Variants in TMTC4 observed in about 807,000 individuals in gnomAD.
TMTC4 encodes transmembrane O-mannosyltransferase targeting cadherins 4.
A neutral mutation model predicts 86.0 loss-of-function variants in TMTC4; 65 were observed. The observed-to-expected ratio is 0.76, with a 90% CI of 0.62 to 0.93. The LOEUF is 0.93. Among genes scored for constraint, TMTC4 ranks in the 40% least tolerant of loss-of-function variants. The pLI, the probability that TMTC4 is intolerant of heterozygous loss-of-function variation, is 0.00. For missense variants in TMTC4, 866 were observed against 948.1 expected (o/e 0.91, Z 1.14); for synonymous variants, 379 against 382.5 (o/e 0.99, Z 0.11).
At chr13:100,646,425 T>C (rs550667129) in intron 6 of TMTC4, among the ~76,000 whole-genome samples, 2 of 152,328 alleles carry the variant, frequency 1.3e-5, no homozygotes, top group East Asian at 3.9e-4. Flanking sequence ...AGGCTGTGCA[T>C]CATCTCTCCT....
At chr13:100,671,966 C>T (rs1031715381) in intron 1 of TMTC4, among the ~76,000 whole-genome samples, 34 of 151,728 alleles carry the variant, frequency 2.2e-4, no homozygotes, top group African/African-American at 6.1e-4. Flanking sequence ...GCTCTGGTGA[C>T]GGACAAACCT....
intron 12 of TMTC4, among the ~76,000 whole-genome samples, chr13:100,632,451 T>C (rs999359117): frequency 8.5e-5 from 13 of 152,186 alleles, no homozygotes; most frequent in South Asian, 4.1e-4. Flanking sequence ...ACTCCACACA[T>C]AGAAGGGGCA....
chr13:100,623,149 T>A (rs920290735), intron 15 of TMTC4, among the ~76,000 whole-genome samples: 7 of 152,254 alleles, frequency 4.6e-5, no homozygotes, highest in African/African-American at 1.7e-4. Context: ...TACCCTGTTA[T>A]CCAAGTTCAG....
intron 17 of TMTC4, among the ~76,000 whole-genome samples, chr13:100,608,226 T>C (rs768587351): frequency 1.3e-5 from 2 of 152,152 alleles, no homozygotes; most frequent in Non-Finnish European, 2.9e-5. Flanking sequence ...ATTCAGGACA[T>C]TGAGGAGTCA....
At chr13:100,644,971 C>G (rs1377159934) in intron 6 of TMTC4, among the ~76,000 whole-genome samples, 1 of 152,132 alleles carries the variant, frequency 6.6e-6, no homozygotes, top group Non-Finnish European at 1.5e-5. Flanking sequence ...CACGCTACCA[C>G]GCCCAGCTAA....
intron 12 of TMTC4, among the ~76,000 whole-genome samples, chr13:100,630,208 T>C (rs1881168256): frequency 6.6e-6 from 1 of 152,174 alleles, no homozygotes; most frequent in African/African-American, 2.4e-5. Context: ...TCCTGCCTTA[T>C]CCATCTTAAC....
At chr13:100,674,828 G>C (rs9585480), upstream of TMTC4, 756 of 978,336 alleles carry the variant, frequency 7.7e-4, 4 homozygotes, top group African/African-American at 0.012. Flanking sequence ...GACCTGGCAG[G>C]GGGAGGGGCC....
chr13:100,646,065 C>T (rs146273703), intron 6 of TMTC4, among the ~76,000 whole-genome samples: 41 of 152,270 alleles, frequency 2.7e-4, no homozygotes, highest in Admixed American at 1.6e-3. Flanking sequence ...CATGAACCTG[C>T]ACCTGGATCT....
At chr13:100,643,094 G>A (rs1017229602) in intron 6 of TMTC4, among the ~76,000 whole-genome samples, 3 of 152,204 alleles carry the variant, frequency 2.0e-5, no homozygotes, top group African/African-American at 7.2e-5. Flanking sequence ...CTCGTCGGTG[G>A]TGCGTGCAAT....
chr13:100,657,477 C>T (rs1027206564), intron 5 of TMTC4, among the ~76,000 whole-genome samples: 1 of 152,248 alleles, frequency 6.6e-6, no homozygotes, highest in Admixed American at 6.5e-5. Flanking sequence ...GCAATATCAA[C>T]TATGTGTTTC....
chr13:100,674,191 C>G (rs1040602043), intron 1 of TMTC4: 2 of 931,630 alleles, frequency 2.1e-6, no homozygotes, highest in Non-Finnish European at 2.6e-6. Flanking sequence ...CCGGTGGCCC[C>G]GCGCTCGCGC....
intron 6 of TMTC4, 27 bp downstream of exon 6, chr13:100,656,354 A>G: frequency 6.3e-7 from 1 of 1,592,780 alleles, no homozygotes; most frequent in Non-Finnish European, 8.6e-7. Context: ...GAAGGTGGAA[A>G]ATTAAGAAGG....
At chr13:100,654,824 T>TAAATGATG (rs1191522466) in intron 6 of TMTC4, among the ~76,000 whole-genome samples, 1 of 152,148 alleles carries the variant, frequency 6.6e-6, no homozygotes, top group Non-Finnish European at 1.5e-5. Context: ...TCATATCTCC[T>TAAATGATG]AAATGATGTC....
At chr13:100,674,828 G>A (rs9585480), upstream of TMTC4, 107 of 978,344 alleles carry the variant, frequency 1.1e-4, no homozygotes, top group African/African-American at 1.2e-3. Flanking sequence ...GACCTGGCAG[G>A]GGGAGGGGCC....
Position 100,635,024 on chromosome 13 carries a change from C to A in TMTC4, c.1374G>T (p.Lys458Asn). ...FGALSKHTKK[K>N]KLIAAVVLGI... ...AGCTGGCACCACTCTCAGTTGATAC[C>A]TTTTTCTTGGTATGTTTGCTCAGGG... Residue 458 changes from lysine (K) to asparagine (N), a missense_variant and splice_region_variant, in exon 11 of 19, where the codon AAG becomes AAT. Coordinates refer to ENST00000342624, the MANE Select transcript of TMTC4 (RefSeq NM_032813.5). 1 of 1,611,012 alleles carries A rather than the reference C, an allele frequency of 6.2e-7. No individual in the cohort carries two copies. Among genetic ancestry groups the A allele is most frequent in the Non-Finnish European group, 8.5e-7 (1 of 1,178,146 alleles).
intron 6 of TMTC4, 65 bp from the exon 7 acceptor site, chr13:100,642,376 G>T: frequency 1.3e-6 from 2 of 1,566,256 alleles, no homozygotes; most frequent in Admixed American, 1.7e-5. Context: ...TTAGCATCAG[G>T]AACTAAAATT....
At chr13:100,636,049 T>G (rs1882159703) in intron 10 of TMTC4, among the ~76,000 whole-genome samples, 1 of 152,254 alleles carries the variant, frequency 6.6e-6, no homozygotes, top group African/African-American at 2.4e-5. Context: ...GAAACACATT[T>G]GTTTTCCCCA....
intron 2 of TMTC4, among the ~76,000 whole-genome samples, chr13:100,669,352 C>T (rs1245511409): frequency 6.6e-6 from 1 of 151,962 alleles, no homozygotes; most frequent in Non-Finnish European, 1.5e-5. Flanking sequence ...AATCCTAAGG[C>T]GGGGCACAGG....
At chr13:100,622,872 G>A (rs1051518) in intron 15 of TMTC4, among the ~76,000 whole-genome samples, 62,240 of 151,866 alleles carry the variant, frequency 0.41, 12,894 homozygotes, top group East Asian at 0.57. Context: ...AGCATTACTC[G>A]TCCACGTAAA....
Sources: allele counts gnomAD v4.1 joint callset (sites outside exome capture counted in the v4.1 genomes callset), GRCh38; gene constraint gnomAD v4.1.1; transcripts MANE v1.5; gene names NCBI Gene and HGNC (gene_info 2026-07-23, HGNC 2026-07-21).